ALCAM: variants seen among roughly 807,000 people sequenced by gnomAD.
The protein encoded by ALCAM is CD166 antigen.
ALCAM carries 30 observed loss-of-function variants against 70.9 expected under a neutral mutation model. The ratio of observed to expected loss-of-function variants is 0.42; its 90% confidence interval spans 0.32 to 0.57. The LOEUF (loss-of-function observed/expected upper bound fraction) is 0.57, where lower values mean the gene tolerates loss of function less well. Among genes scored for constraint, ALCAM ranks in the 20% least tolerant of loss-of-function variants. ALCAM has a pLI of 0.11. For synonymous variants in ALCAM, 249 were observed against 242.5 expected (o/e 1.03, Z -0.25); for missense variants, 591 against 695.1 (o/e 0.85, Z 1.68).
At chr3:105,552,928 A>C in intron 14 of ALCAM, 1 of 1,078,870 alleles carries the variant, frequency 9.3e-7, no homozygotes, top group Non-Finnish European at 1.1e-6. Context: ...GAGAAGATTC[A>C]TTAAAAGTAC....
intron 1 of ALCAM, among the ~76,000 whole-genome samples, chr3:105,476,293 G>C (rs1305924211): frequency 6.6e-6 from 1 of 151,976 alleles, no homozygotes; most frequent in African/African-American, 2.4e-5. Context: ...TTCTGTACCA[G>C]CTCTCTTCTT....
At chr3:105,439,896 G>A (rs899800202) in intron 1 of ALCAM, among the ~76,000 whole-genome samples, 12 of 152,154 alleles carry the variant, frequency 7.9e-5, no homozygotes, top group African/African-American at 2.9e-4. Context: ...TGTTGTTACT[G>A]TTGTTGATAT....
At chr3:105,461,955 A>T (rs1029768694) in intron 1 of ALCAM, among the ~76,000 whole-genome samples, 1 of 151,702 alleles carries the variant, frequency 6.6e-6, no homozygotes, top group Non-Finnish European at 1.5e-5. Context: ...TTCACACTAG[A>T]TACACTTTAA....
rs148769622 is a variant in ALCAM, at chr3:105,449,984, TCTTA to T, written c.74-70080_74-70077del. Among the ~76,000 whole-genome samples, 1,369 of 152,320 alleles carry T rather than the reference TCTTA, an allele frequency of 9.0e-3. 15 individuals carry two copies. Among genetic ancestry groups the T allele is most frequent in the African/African-American group, 0.015 (621 of 41,578 alleles). ...CGTCTATTGTGTTCTATATTGCATC[TCTTA>T]CTAACAAAGGAAGCACAATAGATAC... On this transcript the variant is annotated intron_variant, in intron 1 of 15. Transcript: ENST00000306107.
rs1050005458 is a variant in ALCAM, at chr3:105,393,546, C to G, written c.73+26065C>G. On this transcript the variant is annotated intron_variant, in intron 1 of 15. Transcript: ENST00000306107. ...GAAGTATTTCCTAAATTCTTGTGATCCAGATAATTAGACCACAACCAAATT... is the reference window on the plus strand; with the variant it reads ...GAAGTATTTCCTAAATTCTTGTGATGCAGATAATTAGACCACAACCAAATT... 3.5e-4 allele frequency among the ~76,000 whole-genome samples: 53 copies of G among 151,760 alleles called. 1 individual carries two copies. The highest frequency in any genetic ancestry group is 6.5e-4 in the Non-Finnish European group (44 of 67,844).
intron 8 of ALCAM, among the ~76,000 whole-genome samples, chr3:105,543,543 G>A (rs1940174138): frequency 6.7e-6 from 1 of 149,806 alleles, no homozygotes; most frequent in Non-Finnish European, 1.5e-5. Context: ...TTTCAAACAT[G>A]TCTAAAGGAA....
intron 1 of ALCAM, among the ~76,000 whole-genome samples, chr3:105,481,997 C>T (rs929458747): frequency 6.7e-6 from 1 of 149,350 alleles, no homozygotes; most frequent in Admixed American, 6.6e-5. Flanking sequence ...TAACAGATTT[C>T]GTAGCCGTAG....
At chr3:105,381,359 T>C (rs770059151) in intron 1 of ALCAM, among the ~76,000 whole-genome samples, 57 of 151,976 alleles carry the variant, frequency 3.8e-4, no homozygotes, top group Non-Finnish European at 6.9e-4. Flanking sequence ...CTCTCCACTC[T>C]ACCTTTCTTT....
intron 1 of ALCAM, among the ~76,000 whole-genome samples, chr3:105,431,142 C>CA (rs111778942): frequency 0.22 from 25,696 of 117,710 alleles, 2,293 homozygotes; most frequent in Middle Eastern, 0.27. Context: ...TCCTTCGAAA[C>CA]AAAAAAAAAA....
chr3:105,552,030 A>G (rs1940422562), intron 12 of ALCAM, 114 bp from the exon 13 acceptor site: 3 of 653,932 alleles, frequency 4.6e-6, no homozygotes, highest in African/African-American at 3.8e-5. Context: ...ACTGTTAGCT[A>G]TAGAATAGAC....
At chr3:105,534,303 C>T (rs1314229421) in intron 5 of ALCAM, among the ~76,000 whole-genome samples, 1 of 152,154 alleles carries the variant, frequency 6.6e-6, no homozygotes, top group African/African-American at 2.4e-5. Context: ...ATGTTGCCCT[C>T]TTTTGAGCTA....
intron 1 of ALCAM, among the ~76,000 whole-genome samples, chr3:105,388,256 A>G (rs1167207783): frequency 6.6e-6 from 1 of 151,580 alleles, no homozygotes; most frequent in Admixed American, 6.6e-5. Context: ...TAAAGAAGGG[A>G]AAAGACCTGG....
chr3:105,541,778 C>T lies in ALCAM; in HGVS notation c.991+13C>T, dbSNP rs756594904. 2 of 1,611,166 alleles carry T rather than the reference C, an allele frequency of 1.2e-6. No individual in the cohort carries two copies. The highest frequency in any genetic ancestry group is 1.1e-5 in the South Asian group (1 of 90,896). On this transcript the variant is annotated intron_variant, in intron 8 of 15. Transcript: ENST00000306107. The stretch of plus-strand genomic sequence containing the variant: ...ATCACAGTTCACTGTAAGTCACCTA[C>T]TTCTTCATCAGCAGCTTCACCTCAA...
chr3:105,412,867 G>T (rs1469469798), intron 1 of ALCAM, among the ~76,000 whole-genome samples: 2 of 151,962 alleles, frequency 1.3e-5, no homozygotes, highest in East Asian at 3.9e-4. Flanking sequence ...GTGTTAATAG[G>T]AATATTAAAT....
intron 1 of ALCAM, among the ~76,000 whole-genome samples, chr3:105,451,012 G>A (rs928945998): frequency 6.6e-6 from 1 of 151,956 alleles, no homozygotes; most frequent in African/African-American, 2.4e-5. Context: ...AGGTAGGAAG[G>A]GTGAGTGTAA....
intron 1 of ALCAM, among the ~76,000 whole-genome samples, chr3:105,511,602 C>T (rs1348235020): frequency 6.6e-6 from 1 of 152,064 alleles, no homozygotes; most frequent in East Asian, 1.9e-4. Context: ...ATCTAAGTCT[C>T]GGAAATCAGC....
At position 105,558,409 on chromosome 3, in the gene ALCAM, T is replaced by C. The variant is rs1355613535; in HGVS notation, c.1664+5824T>C. Among the ~76,000 whole-genome samples, 4 of 152,160 alleles carry C rather than the reference T, an allele frequency of 2.6e-5. No homozygotes were observed. The East Asian group carries it at 7.7e-4, about 29-fold the overall frequency. On this transcript the variant is annotated intron_variant, in intron 14 of 15. Coordinates refer to ENST00000306107, the MANE Select transcript of ALCAM (RefSeq NM_001627.4). ...GTTTTCTAAATATAAAATTCTATTA[T>C]AGTATTTTATTGGACTTTTCCAAAT... is the stretch of plus-strand genomic sequence containing the variant.
intron 1 of ALCAM, among the ~76,000 whole-genome samples, chr3:105,387,969 CAT>C (rs1382358979): frequency 6.6e-6 from 1 of 151,262 alleles, no homozygotes; most frequent in Non-Finnish European, 1.5e-5. Context: ...CATCAGTATC[CAT>C]AATGAAGCAC....
At chr3:105,478,750 A>G (rs1938189161) in intron 1 of ALCAM, among the ~76,000 whole-genome samples, 1 of 152,200 alleles carries the variant, frequency 6.6e-6, no homozygotes, top group South Asian at 2.1e-4. Context: ...GCCACTTTGT[A>G]TACATTTATA....
Sources: gnomAD v4.1 joint callset for allele counts (sites outside exome capture counted in the v4.1 genomes callset) on GRCh38, gnomAD v4.1.1 for gene constraint, MANE v1.5 for transcripts, NCBI Gene and HGNC (gene_info 2026-07-23, HGNC 2026-07-21) for gene names.